MIPOL1: variants seen among roughly 807,000 people sequenced by gnomAD.
The protein encoded by MIPOL1 is mirror-image polydactyly 1.
MIPOL1 carries 57 observed loss-of-function variants against 60.9 expected under a neutral mutation model. The observed-to-expected ratio is 0.94, with a 90% CI of 0.76 to 1.17. The LOEUF is 1.17. Among genes scored for constraint, MIPOL1 ranks in the 50% most tolerant of loss-of-function variants. The probability of loss-of-function intolerance (pLI) is 0.00; values close to 1 mark genes in which losing one functional copy is unlikely to be tolerated. For synonymous variants in MIPOL1, 179 were observed against 168.8 expected (o/e 1.06, Z -0.47); for missense variants, 551 against 511.6 (o/e 1.08, Z -0.74).
intron 9 of MIPOL1, among the ~76,000 whole-genome samples, chr14:37,350,225 C>A (rs2091256067): frequency 6.6e-6 from 1 of 152,026 alleles, no homozygotes; most frequent in Non-Finnish European, 1.5e-5. Flanking sequence ...GTGAAAGATT[C>A]CATGCCTGAC....
intron 9 of MIPOL1, among the ~76,000 whole-genome samples, chr14:37,367,048 G>A (rs574605707): frequency 4.6e-5 from 7 of 152,048 alleles, no homozygotes; most frequent in African/African-American, 1.4e-4. Flanking sequence ...AATTTGGTGA[G>A]AATATCAATA....
chr14:37,403,431 G>C (rs990447547), intron 10 of MIPOL1, among the ~76,000 whole-genome samples: 3 of 60,132 alleles, frequency 5.0e-5, no homozygotes, highest in Non-Finnish European at 1.0e-4. Context: ...GAGGTTTCTA[G>C]CTTTTTTTTT....
intron 1 of MIPOL1, among the ~76,000 whole-genome samples, chr14:37,214,826 G>A (rs1296149711): frequency 6.6e-6 from 1 of 152,100 alleles, no homozygotes; most frequent in Non-Finnish European, 1.5e-5. Flanking sequence ...TGGTCTAGCG[G>A]TAGCATCAGT....
At chr14:37,328,099 AC>A (rs1316381833) in intron 9 of MIPOL1, among the ~76,000 whole-genome samples, 3 of 151,690 alleles carry the variant, frequency 2.0e-5, no homozygotes, top group African/African-American at 7.3e-5. Flanking sequence ...TGCAACCTCC[AC>A]CCCCCAAGTT....
At chr14:37,316,120 G>C (rs1321518856) in intron 9 of MIPOL1, among the ~76,000 whole-genome samples, 1 of 151,638 alleles carries the variant, frequency 6.6e-6, no homozygotes, top group African/African-American at 2.4e-5. Flanking sequence ...TCTCCCTCCT[G>C]GGTTCAAGCA....
At chr14:37,255,718 G>A (rs960614297) in intron 3 of MIPOL1, among the ~76,000 whole-genome samples, 4 of 151,804 alleles carry the variant, frequency 2.6e-5, no homozygotes, top group Non-Finnish European at 5.9e-5. Context: ...AGACTATAGT[G>A]TAAATGATTG....
chr14:37,298,634 G>A (rs756050129), intron 7 of MIPOL1, among the ~76,000 whole-genome samples: 18 of 152,254 alleles, frequency 1.2e-4, no homozygotes, highest in South Asian at 4.1e-4. Flanking sequence ...AAAAGTGGGC[G>A]AAGGATCCGA....
intron 3 of MIPOL1, among the ~76,000 whole-genome samples, chr14:37,253,642 C>G (rs1490778223): frequency 6.6e-6 from 1 of 151,668 alleles, no homozygotes; most frequent in Non-Finnish European, 1.5e-5. Context: ...TACTGAGTTT[C>G]AAAAGTATTA....
intron 11 of MIPOL1, among the ~76,000 whole-genome samples, chr14:37,459,253 A>G (rs933597295): frequency 2.0e-5 from 3 of 152,180 alleles, no homozygotes; most frequent in African/African-American, 7.2e-5. Context: ...AAAGAAAAAC[A>G]AAATTGATAA....
chr14:37,499,428 G>A (rs8008930), intron 11 of MIPOL1, among the ~76,000 whole-genome samples: 1 of 152,076 alleles, frequency 6.6e-6, no homozygotes, highest in Non-Finnish European at 1.5e-5. Flanking sequence ...GTGACAAGTA[G>A]AAGATCAAGT....
intron 9 of MIPOL1, among the ~76,000 whole-genome samples, chr14:37,352,002 T>C (rs2091434296): frequency 8.1e-6 from 1 of 123,150 alleles, no homozygotes; most frequent in African/African-American, 3.1e-5. Context: ...TGAATGGTAA[T>C]GCCTAGGTTT....
chr14:37,276,409 C>T (rs1287068357), intron 6 of MIPOL1: 1 of 150,924 alleles, frequency 6.6e-6, no homozygotes, highest in Non-Finnish European at 1.5e-5. Flanking sequence ...TTTTTCTATT[C>T]AGGTTAAAAT....
At chr14:37,288,350 C>T (rs1172217820) in intron 7 of MIPOL1, among the ~76,000 whole-genome samples, 1 of 151,828 alleles carries the variant, frequency 6.6e-6, no homozygotes, top group Non-Finnish European at 1.5e-5. Flanking sequence ...AGGGAGTGGG[C>T]TGATACAAAG....
intron 11 of MIPOL1, chr14:37,423,823 A>C (rs751346369): frequency 1.5e-4 from 23 of 152,194 alleles, no homozygotes; most frequent in Non-Finnish European, 2.8e-4. Context: ...AGAAAATATT[A>C]TGTCATGATA....
chr14:37,407,845 C>T (rs2415402), intron 10 of MIPOL1, among the ~76,000 whole-genome samples: 87,687 of 89,014 alleles, frequency 0.99, 43,241 homozygotes, highest in Middle Eastern at 1. Context: ...TCTTCTTCTT[C>T]TTTTTTTTTT....
At chr14:37,528,216 T>C (rs1005964105) in intron 12 of MIPOL1, among the ~76,000 whole-genome samples, 23 of 152,024 alleles carry the variant, frequency 1.5e-4, no homozygotes, top group Non-Finnish European at 3.1e-4. Flanking sequence ...ACAATACATA[T>C]AATATTATGA....
chr14:37,257,095 T>TTGTGTGTGTG (rs61079220), intron 3 of MIPOL1, among the ~76,000 whole-genome samples: 20,287 of 137,326 alleles, frequency 0.15, 1,515 homozygotes, highest in Non-Finnish European at 0.19. Flanking sequence ...TGGTTTTGTT[T>TTGTGTGTGTG]TGTGTGTGTG....
At chr14:37,307,341 A>G (rs1001744958) in intron 7 of MIPOL1, among the ~76,000 whole-genome samples, 13 of 151,952 alleles carry the variant, frequency 8.6e-5, no homozygotes, top group African/African-American at 3.1e-4. Flanking sequence ...TTTTGTAGGT[A>G]ATTTAAAACT....
intron 9 of MIPOL1, among the ~76,000 whole-genome samples, chr14:37,309,053 C>G (rs1227898789): frequency 6.6e-6 from 1 of 152,056 alleles, no homozygotes; most frequent in Non-Finnish European, 1.5e-5. Context: ...TGGCTGTGCT[C>G]TCTCTCATAC....
Sources: gnomAD v4.1 joint callset for allele counts (sites outside exome capture counted in the v4.1 genomes callset) on GRCh38, gnomAD v4.1.1 for gene constraint, MANE v1.5 for transcripts, NCBI Gene and HGNC (gene_info 2026-07-23, HGNC 2026-07-21) for gene names.